Variants in DLGAP1 observed in about 807,000 individuals in gnomAD.
DLGAP1 encodes DLG associated protein 1.
In DLGAP1, 11 loss-of-function variants were observed where a neutral mutation model predicts 90.8. The ratio of observed to expected loss-of-function variants is 0.12; its 90% CI spans 0.08 to 0.20. DLGAP1 has a LOEUF of 0.20. Among genes scored for constraint, DLGAP1 ranks in the 10% least tolerant of loss-of-function variants. The probability of loss-of-function intolerance (pLI) is 1.00; values close to 1 mark genes in which losing one functional copy is unlikely to be tolerated. For synonymous variants in DLGAP1, 558 were observed against 540.7 expected, an observed-to-expected ratio of 1.03 and a Z score of -0.44; for missense variants, 1,050 against 1,333.8, an observed-to-expected ratio of 0.79 and a Z score of 3.31.
intron 12 of DLGAP1, among the ~76,000 whole-genome samples, chr18:3,501,051 A>G (rs916480565): frequency 6.6e-6 from 1 of 151,984 alleles, no homozygotes; most frequent in Non-Finnish European, 1.5e-5. Context: ...AGTAGCTGGC[A>G]CTACAAGTGT....
At chr18:3,873,343 A>T (rs2070868571) in intron 4 of DLGAP1, among the ~76,000 whole-genome samples, 1 of 152,196 alleles carries the variant, frequency 6.6e-6, no homozygotes. Context: ...AAAAACAGGG[A>T]GAAGATTGTG....
rs1411782437 is a variant in DLGAP1, at chr18:4,064,452, C to T, written c.-158-59251G>A. Among the ~76,000 whole-genome samples, 5 of 151,256 alleles carry T rather than the reference C, an allele frequency of 3.3e-5. No homozygotes were observed. In the East Asian group the frequency reaches 7.8e-4, roughly 23 times the overall value. On this transcript the variant is annotated intron_variant, in intron 2 of 12. Transcript: ENST00000315677. ...TTAATACAATAGACTGCTAGCGAGA[C>T]CAACAAAGAAAAAAAGAGAGATGAT...
intron 1 of DLGAP1, among the ~76,000 whole-genome samples, chr18:4,361,914 T>C (rs1223846921): frequency 2.0e-5 from 3 of 152,110 alleles, no homozygotes; most frequent in Non-Finnish European, 4.4e-5. Flanking sequence ...AATTTAAAAG[T>C]ATGCAAAGGA....
chr18:4,395,874 C>T (rs2082429251), intron 1 of DLGAP1, among the ~76,000 whole-genome samples: 1 of 152,172 alleles, frequency 6.6e-6, no homozygotes, highest in Non-Finnish European at 1.5e-5. Flanking sequence ...TAACATGTTC[C>T]TAAACCCCAC....
At chr18:4,081,550 CCT>C (rs1302170465) in intron 2 of DLGAP1, among the ~76,000 whole-genome samples, 6 of 152,074 alleles carry the variant, frequency 3.9e-5, no homozygotes, top group Admixed American at 2.6e-4. Flanking sequence ...ACCTTTCAAT[CCT>C]CTCTCTCTCG....
At chr18:3,784,323 G>A (rs931273398) in intron 5 of DLGAP1, among the ~76,000 whole-genome samples, 7 of 152,080 alleles carry the variant, frequency 4.6e-5, no homozygotes, top group African/African-American at 1.4e-4. Flanking sequence ...GTTGGGTCTC[G>A]ATGTGTAGCA....
chr18:3,742,292 G>T, intron 6 of DLGAP1, 43 bp downstream of exon 6: 1 of 1,596,666 alleles, frequency 6.3e-7, no homozygotes. Flanking sequence ...TAACCTTCCT[G>T]CCACTAATGG....
At chr18:4,122,874 G>A (rs76160578) in intron 2 of DLGAP1, among the ~76,000 whole-genome samples, 5,128 of 152,218 alleles carry the variant, frequency 0.034, 158 homozygotes, top group Non-Finnish European at 0.053. Flanking sequence ...TCTCTTTCAG[G>A]AGGGAAGGGG....
At chr18:4,245,530 T>C (rs2078636238) in intron 1 of DLGAP1, among the ~76,000 whole-genome samples, 2 of 152,182 alleles carry the variant, frequency 1.3e-5, no homozygotes, top group Admixed American at 1.3e-4. Context: ...CTCAAAAGTA[T>C]TAATCTTAGC....
intron 5 of DLGAP1, among the ~76,000 whole-genome samples, chr18:3,770,690 T>C (rs568438831): frequency 2.2e-4 from 34 of 152,008 alleles, no homozygotes; most frequent in Admixed American, 2.0e-3. Flanking sequence ...GAACAGAAAG[T>C]ATAATTGCAT....
At chr18:4,177,772 C>T (rs1009265471) in intron 1 of DLGAP1, among the ~76,000 whole-genome samples, 1 of 152,086 alleles carries the variant, frequency 6.6e-6, no homozygotes, top group Non-Finnish European at 1.5e-5. Flanking sequence ...CTAGCTTCAT[C>T]CACTTTGCTG....
At chr18:4,400,838 C>A (rs980406383) in intron 1 of DLGAP1, among the ~76,000 whole-genome samples, 2 of 152,056 alleles carry the variant, frequency 1.3e-5, no homozygotes, top group Non-Finnish European at 2.9e-5. Flanking sequence ...TGGGGTTCAC[C>A]CTTTAAGAGC....
chr18:3,892,118 CACACACA>C (rs2071481988), intron 3 of DLGAP1: 1 of 8,188 alleles, frequency 1.2e-4, no homozygotes, highest in Admixed American at 1.8e-3. Context: ...CTCTAAAACA[CACACACA>C]CACACACACA....
chr18:3,574,948 G>A (rs954152391), intron 8 of DLGAP1, among the ~76,000 whole-genome samples: 9 of 151,442 alleles, frequency 5.9e-5, no homozygotes, highest in African/African-American at 1.9e-4. Flanking sequence ...CCGAGTAGCT[G>A]GGACTACAGG....
intron 8 of DLGAP1, among the ~76,000 whole-genome samples, chr18:3,569,892 C>CAAAGG (rs2054664978): frequency 1.3e-5 from 2 of 151,986 alleles, no homozygotes; most frequent in Admixed American, 1.3e-4. Context: ...AGCACATATA[C>CAAAGG]AATAGTGATC....
rs71368704 is a variant in DLGAP1, at chr18:3,705,982, A to ATTTTT, written c.1591+23148_1591+23152dup. 2.9e-3 allele frequency among the ~76,000 whole-genome samples: 369 copies of ATTTTT among 127,282 alleles called. 6 individuals carry two copies. Among genetic ancestry groups the ATTTTT allele is most frequent in the African/African-American group, 0.01 (346 of 33,804 alleles). 83.5% of individuals were successfully genotyped at this position (127,282 alleles called of 152,430 possible). A position where few individuals can be genotyped will look rare whatever the true frequency, so the allele number is the denominator to read the frequency against. On this transcript the variant is annotated intron_variant, in intron 7 of 12. Coordinates refer to ENST00000315677, the MANE Select transcript of DLGAP1 (RefSeq NM_004746.4). ...CCCCCAGTATAATTATTAATGGTGC[A>ATTTTT]TTTTTTTTTTTTTTTGAGATGGAAT...
At chr18:4,337,487 G>A (rs1024653190) in intron 1 of DLGAP1, among the ~76,000 whole-genome samples, 4 of 152,002 alleles carry the variant, frequency 2.6e-5, no homozygotes, top group African/African-American at 7.2e-5. Flanking sequence ...CACTGTGCCC[G>A]GCAAAGAGAT....
At chr18:4,141,200 T>A (rs995527581) in intron 2 of DLGAP1, among the ~76,000 whole-genome samples, 1 of 152,078 alleles carries the variant, frequency 6.6e-6, no homozygotes, top group African/African-American at 2.4e-5. Flanking sequence ...ATTTTCTAGA[T>A]CTTGTAGGTA....
intron 2 of DLGAP1, among the ~76,000 whole-genome samples, chr18:4,045,405 G>T (rs1172288021): frequency 9.3e-6 from 1 of 106,980 alleles, no homozygotes; most frequent in Non-Finnish European, 1.8e-5. Flanking sequence ...ATCACAGCCT[G>T]TGTAACATAG....
Sources: gnomAD v4.1 joint callset for allele counts (sites outside exome capture counted in the v4.1 genomes callset) on GRCh38, gnomAD v4.1.1 for gene constraint, MANE v1.5 for transcripts, NCBI Gene and HGNC (gene_info 2026-07-23, HGNC 2026-07-21) for gene names.